PCDH9: variants seen among roughly 807,000 people sequenced by gnomAD.
PCDH9 encodes the protein protocadherin 9, also known as protocadherin-9.
In PCDH9, 24 loss-of-function variants were observed where a neutral mutation model predicts 70.6. The observed-to-expected ratio is 0.34, with a 90% CI of 0.25 to 0.48. PCDH9 has a LOEUF of 0.48. Among genes scored for constraint, PCDH9 ranks in the 20% least tolerant of loss-of-function variants. The probability of loss-of-function intolerance (pLI) is 0.99; values close to 1 mark genes in which losing one functional copy is unlikely to be tolerated. For synonymous variants in PCDH9, 562 were observed against 558.5 expected (o/e 1.01, Z -0.09); for missense variants, 1,281 against 1,503.6 (o/e 0.85, Z 2.45).
At chr13:66,428,613 G>A (rs1162922773) in intron 4 of PCDH9, among the ~76,000 whole-genome samples, 1 of 151,354 alleles carries the variant, frequency 6.6e-6, no homozygotes, top group African/African-American at 2.4e-5. Context: ...TATAAATCAG[G>A]GAAAATAATG....
chr13:66,660,750 G>A (rs1333591670), intron 3 of PCDH9, among the ~76,000 whole-genome samples: 1 of 151,710 alleles, frequency 6.6e-6, no homozygotes, highest in Non-Finnish European at 1.5e-5. Context: ...ATAGAAGGGA[G>A]GATATCAGTT....
chr13:66,717,052 G>T (rs1291215969), intron 3 of PCDH9, among the ~76,000 whole-genome samples: 1 of 151,946 alleles, frequency 6.6e-6, no homozygotes, highest in African/African-American at 2.4e-5. Context: ...TGTATATTCT[G>T]ATATTAGAGC....
At chr13:67,184,523 A>G (rs2088698855) in intron 2 of PCDH9, among the ~76,000 whole-genome samples, 1 of 152,136 alleles carries the variant, frequency 6.6e-6, no homozygotes, top group Non-Finnish European at 1.5e-5. Flanking sequence ...GAGCTCAGAA[A>G]TTCAAGACCA....
At chr13:67,202,564 C>T (rs1375306772) in intron 2 of PCDH9, 1 of 152,114 alleles carries the variant, frequency 6.6e-6, no homozygotes, top group Non-Finnish European at 1.5e-5. Context: ...CTATAACTCA[C>T]CAAGTTGCCT....
chr13:66,731,016 C>T (rs1253756911), intron 3 of PCDH9, among the ~76,000 whole-genome samples: 1 of 150,870 alleles, frequency 6.6e-6, no homozygotes, highest in African/African-American at 2.4e-5. Context: ...AACTATCAGG[C>T]CCAGGCGTAT....
At chr13:66,665,923 G>A (rs894534396) in intron 3 of PCDH9, among the ~76,000 whole-genome samples, 1 of 151,928 alleles carries the variant, frequency 6.6e-6, no homozygotes, top group African/African-American at 2.4e-5. Flanking sequence ...ACTAAAGAGG[G>A]ACATAGACAG....
At chr13:66,681,867 A>G (rs964488529) in intron 3 of PCDH9, among the ~76,000 whole-genome samples, 2 of 150,798 alleles carry the variant, frequency 1.3e-5, no homozygotes, top group African/African-American at 2.5e-5. Flanking sequence ...TAGACTAGGC[A>G]TTTCACAAAT....
intron 3 of PCDH9, among the ~76,000 whole-genome samples, chr13:66,840,188 A>G (rs954034232): frequency 2.6e-5 from 4 of 152,098 alleles, no homozygotes; most frequent in Admixed American, 1.3e-4. Flanking sequence ...ATCTAGCACC[A>G]TTTTCTGAAT....
chr13:66,568,852 T>C (rs78145994), intron 4 of PCDH9, among the ~76,000 whole-genome samples: 5,046 of 151,510 alleles, frequency 0.033, 271 homozygotes, highest in African/African-American at 0.11. Flanking sequence ...TGAAAAGTAA[T>C]GGAAGTTCTG....
intron 4 of PCDH9, among the ~76,000 whole-genome samples, chr13:66,446,134 A>T (rs965656572): frequency 6.6e-6 from 1 of 152,032 alleles, no homozygotes; most frequent in Non-Finnish European, 1.5e-5. Context: ...GTGTGTATGT[A>T]TGTATTTGTG....
At chr13:66,543,604 G>C (rs922670808) in intron 4 of PCDH9, among the ~76,000 whole-genome samples, 2 of 151,838 alleles carry the variant, frequency 1.3e-5, no homozygotes. Flanking sequence ...AATTTAATCT[G>C]TTCAGTTAGT....
intron 2 of PCDH9, among the ~76,000 whole-genome samples, chr13:67,145,913 T>C (rs1001159804): frequency 6.6e-6 from 1 of 152,122 alleles, no homozygotes; most frequent in Non-Finnish European, 1.5e-5. Flanking sequence ...AAAGATTTTA[T>C]ATTAACACTT....
intron 4 of PCDH9, among the ~76,000 whole-genome samples, chr13:66,399,061 T>C (rs1332807509): frequency 6.6e-6 from 1 of 152,196 alleles, no homozygotes. Flanking sequence ...GAAACTATTA[T>C]TATGCTTTTT....
intron 3 of PCDH9, among the ~76,000 whole-genome samples, chr13:66,712,804 G>A (rs1248732014): frequency 6.6e-6 from 1 of 152,008 alleles, no homozygotes; most frequent in Non-Finnish European, 1.5e-5. Context: ...GGCTTTTCCT[G>A]CACAAACTAG....
intron 2 of PCDH9, among the ~76,000 whole-genome samples, chr13:67,170,794 GCA>G (rs2088262489): frequency 6.6e-6 from 1 of 152,014 alleles, no homozygotes; most frequent in Admixed American, 6.5e-5. Context: ...GCCTGGTGGT[GCA>G]CTCCTGTAAT....
At chr13:66,310,596 T>G (rs1955544671) in intron 4 of PCDH9, among the ~76,000 whole-genome samples, 1 of 152,048 alleles carries the variant, frequency 6.6e-6, no homozygotes, top group South Asian at 2.1e-4. Flanking sequence ...AGCTAGAAAC[T>G]GGCATTTCTT....
intron 4 of PCDH9, among the ~76,000 whole-genome samples, chr13:66,422,789 A>C (rs934271292): frequency 1.3e-5 from 2 of 152,172 alleles, no homozygotes; most frequent in Admixed American, 6.5e-5. Flanking sequence ...AGCAGAAGAC[A>C]AGAAATAACT....
intron 4 of PCDH9, among the ~76,000 whole-genome samples, chr13:66,360,552 A>C (rs551745937): frequency 6.6e-6 from 1 of 152,276 alleles, no homozygotes; most frequent in East Asian, 1.9e-4. Context: ...AACTGTGTAC[A>C]GTCTTTATTT....
Position 66,339,591 on chromosome 13 carries a change from G to C in PCDH9, c.3341-34563C>G, listed in dbSNP as rs374024720. ...AGAATATAATAAAACATTCAGAATA[G>C]CATTGCTAAGCAAATACACTGTGCC... On this transcript the variant is annotated intron_variant, in intron 4 of 4. Coordinates refer to ENST00000377865, the MANE Select transcript of PCDH9 (RefSeq NM_203487.3). Among the ~76,000 whole-genome samples the C allele has an allele frequency of 3.3e-5, 5 of 152,210 alleles. No homozygotes were observed. The East Asian group carries it at 7.7e-4, about 24-fold the overall frequency.
Sources: gnomAD v4.1 joint callset for allele counts (sites outside exome capture counted in the v4.1 genomes callset) on GRCh38, gnomAD v4.1.1 for gene constraint, MANE v1.5 for transcripts, NCBI Gene and HGNC (gene_info 2026-07-23, HGNC 2026-07-21) for gene names.